Variants in ASB11 observed in about 807,000 individuals in gnomAD.
The protein encoded by ASB11 is ankyrin repeat and SOCS box containing 11, also known as ankyrin repeat and SOCS box protein 11.
ASB11 carries 17 observed loss-of-function variants against 20.1 expected under a neutral mutation model. The ratio of observed to expected loss-of-function variants is 0.85; its 90% CI spans 0.58 to 1.27. The LOEUF (loss-of-function observed/expected upper bound fraction) is 1.27, where lower values mean the gene tolerates loss of function less well. ASB11 is among the 50% of genes most tolerant of loss of function. ASB11 has a pLI of 0.00. For missense variants in ASB11, 259 were observed against 256.9 expected, an observed-to-expected ratio of 1.01 and a Z score of -0.06; for synonymous variants, 107 against 105.6, an observed-to-expected ratio of 1.01 and a Z score of -0.08.
At chrX:15,304,847 C>G (rs140814611) in intron 1 of ASB11, among the ~76,000 whole-genome samples, 1,533 of 111,612 alleles carry the variant, frequency 0.014, 27 homozygotes, top group African/African-American at 0.044. Flanking sequence ...TGTACTCTGG[C>G]CTGGGTGACA....
chrX:15,315,292 TAA>T (rs1921576268), intron 1 of ASB11, 131 bp downstream of exon 1: 3 of 530,532 alleles, frequency 5.7e-6, no homozygotes, highest in South Asian at 9.4e-5. Flanking sequence ...TTTGCTACTT[TAA>T]GTGACAATTT....
At chrX:15,306,866 T>G (rs756108991) in intron 1 of ASB11, among the ~76,000 whole-genome samples, 1 of 112,453 alleles carries the variant, frequency 8.9e-6, no homozygotes, top group South Asian at 3.7e-4. Context: ...TCAGACATGT[T>G]ACGCTCTTGC....
rs1927233259 is a variant in ASB11 at position 15,283,048 on chromosome X, G to T, written c.*457C>A. The stretch of plus-strand genomic sequence containing the variant: ...TATACAAAAAATCAAAATTATACCA[G>T]ATTTATTCAAGGAAAGAAAGAAAAA... On this transcript the variant is annotated 3_prime_UTR_variant, in exon 7 of 7. Coordinates refer to ENST00000480796, the MANE Select transcript of ASB11 (RefSeq NM_080873.3). 9.3e-6 allele frequency: 1 copy of T among 107,301 alleles called. No homozygotes were observed. The highest frequency in any genetic ancestry group is 1.0e-4 in the Admixed American group (1 of 9,978). 8.8% of individuals were successfully genotyped at this position (107,301 alleles called of 1,213,427 possible).
chrX:15,286,284 T>C (rs1381717536), intron 6 of ASB11, among the ~76,000 whole-genome samples: 2 of 111,123 alleles, frequency 1.8e-5, no homozygotes, highest in Admixed American at 1.9e-4. Context: ...ATGTAGTGGT[T>C]TCACAAAATG....
In ASB11 at chrX:15,288,078, C is replaced by G. The variant is rs1381693693; in HGVS notation, c.656-6G>C. On this transcript the variant is annotated splice_polypyrimidine_tract_variant and splice_region_variant and intron_variant, in intron 5 of 6. Coordinates refer to ENST00000480796, the MANE Select transcript of ASB11 (RefSeq NM_080873.3). Reference sequence around the variant, plus strand: ...GCCATGGTCGACACTGGCTCCTTAACAAAACAGATGGCCACAATTCAACAC... The same window carrying G: ...GCCATGGTCGACACTGGCTCCTTAAGAAAACAGATGGCCACAATTCAACAC... 2.5e-6 allele frequency: 3 copies of G among 1,199,502 alleles called. No homozygotes were observed. In the Admixed American group the frequency reaches 6.8e-5, roughly 27 times the overall value.
At chrX:15,289,799 G>A (rs1252966893) in intron 4 of ASB11, among the ~76,000 whole-genome samples, 161 bp from the exon 5 acceptor site, 2 of 111,534 alleles carry the variant, frequency 1.8e-5, no homozygotes, top group East Asian at 5.6e-4. Flanking sequence ...TGAGACCGGC[G>A]GATTCCCTGA....
chrX:15,296,270 A>G (rs771052285), intron 3 of ASB11, among the ~76,000 whole-genome samples: 1 of 110,306 alleles, frequency 9.1e-6, no homozygotes, highest in Non-Finnish European at 1.9e-5. Flanking sequence ...AAAGATGGAA[A>G]AAAAAAAAAC....
chrX:15,309,929 C>G lies in ASB11; in HGVS notation c.181+5496G>C, dbSNP rs975561205. On this transcript the variant is annotated intron_variant, in intron 1 of 6. Transcript: ENST00000480796. ...CTCGCAGTGAGCCGAGATCGCGCCACTGCACTCCAGCCTGGGCGACAGAGC... is the reference window on the plus strand; with the variant it reads ...CTCGCAGTGAGCCGAGATCGCGCCAGTGCACTCCAGCCTGGGCGACAGAGC... 4.6e-5 allele frequency among the ~76,000 whole-genome samples: 4 copies of G among 87,253 alleles called. 1 individual carries two copies. In the East Asian group the frequency reaches 1.5e-3, roughly 33 times the overall value. The allele number at this position is 87,253 out of a possible 115,157, so 75.8% of individuals were successfully genotyped here.
At chrX:15,284,251 C>CAAAAAAAAA (rs60542067) in intron 6 of ASB11, among the ~76,000 whole-genome samples, 1 of 72,328 alleles carries the variant, frequency 1.4e-5, no homozygotes, top group Non-Finnish European at 2.5e-5. Flanking sequence ...GACTCCGCCT[C>CAAAAAAAAA]AAAAAAAAAA....
rs767326460 is a variant in ASB11 at position 15,305,307 on chromosome X, C to T, written c.182-2500G>A. ...TTCTGTGATATTTCTGCCCAAAATG[C>T]ATAACCAAAATCTGATAAGGAGGAA... On this transcript the variant is annotated intron_variant, in intron 1 of 6. Coordinates refer to ENST00000480796, the MANE Select transcript of ASB11 (RefSeq NM_080873.3). 4.5e-5 allele frequency among the ~76,000 whole-genome samples: 5 copies of T among 111,826 alleles called. No homozygotes were observed. The East Asian group carries it at 1.1e-3, about 25-fold the overall frequency.
chrX:15,283,524 C>T lies in ASB11; in HGVS notation c.953G>A (p.Arg318Gln), dbSNP rs201426380. The change falls in exon 7 of 7, where the codon CGA (arginine) becomes CAA (glutamine). Residue 318 changes from arginine (R) to glutamine (Q), a missense_variant. Physicochemically the swap from Arg to Gln is conservative, Grantham distance 43. Transcript: ENST00000480796. ...HKLHLPEPLE[R>Q]FLLYQ Reference sequence around the variant, plus strand: ...TTAGGACTATTGGTATAGGAGGAATCGTTCGAGTGGCTCTGGCAGATGTAG... The same window carrying T: ...TTAGGACTATTGGTATAGGAGGAATTGTTCGAGTGGCTCTGGCAGATGTAG... The T allele has an allele frequency of 1.7e-5, 21 of 1,209,086 alleles. No homozygotes were observed. The Middle Eastern group carries it at 1.6e-3, about 93-fold the overall frequency.
At chrX:15,296,646 T>C (rs997366420) in intron 3 of ASB11, among the ~76,000 whole-genome samples, 3 of 112,222 alleles carry the variant, frequency 2.7e-5, no homozygotes, top group Admixed American at 9.5e-5. Flanking sequence ...TATTATTTAT[T>C]AAAAGCTCGC....
intron 1 of ASB11, among the ~76,000 whole-genome samples, chrX:15,305,127 A>T: frequency 8.9e-6 from 1 of 112,094 alleles, no homozygotes; most frequent in East Asian, 2.8e-4. Flanking sequence ...GGATAATTTT[A>T]TAGAACAGAA....
At chrX:15,310,238 C>T (rs1055674218) in intron 1 of ASB11, among the ~76,000 whole-genome samples, 25 of 111,245 alleles carry the variant, frequency 2.2e-4, no homozygotes, top group African/African-American at 8.2e-4. Context: ...ATAAAAGTTA[C>T]TTGGCAGCTT....
At chrX:15,297,409 G>T (rs1390440095) in intron 3 of ASB11, among the ~76,000 whole-genome samples, 165 bp downstream of exon 3, 1 of 112,066 alleles carries the variant, frequency 8.9e-6, no homozygotes, top group African/African-American at 3.2e-5. Flanking sequence ...ACACAGGGGG[G>T]TAAGTTGAAG....
intron 6 of ASB11, among the ~76,000 whole-genome samples, chrX:15,284,208 G>T (rs5980146): frequency 3.3e-4 from 34 of 101,958 alleles, no homozygotes; most frequent in African/African-American, 1.2e-3. Context: ...GCCGAGATCG[G>T]GCCACTGCAC....
chrX:15,299,418 TGAAA>T (rs1205697088), intron 2 of ASB11, among the ~76,000 whole-genome samples: 2 of 112,119 alleles, frequency 1.8e-5, no homozygotes, highest in African/African-American at 6.5e-5. Context: ...GGCAATTGGT[TGAAA>T]GAGTTATTAT....
Position 15,283,502 on chromosome X carries a change from G to C in ASB11, c.*3C>G, listed in dbSNP as rs41309559. On this transcript the variant is annotated 3_prime_UTR_variant, in exon 7 of 7. Transcript: ENST00000480796. ...CCAAGTATCTTCCCAGGAACACTTA[G>C]GACTATTGGTATAGGAGGAATCGTT... 71,513 of 1,208,839 alleles carry C rather than the reference G, an allele frequency of 0.059. 1,596 individuals are homozygous for C. Among genetic ancestry groups the C allele is most frequent in the Middle Eastern group, 0.08 (347 of 4,349 alleles).
intron 3 of ASB11, among the ~76,000 whole-genome samples, chrX:15,294,763 A>T (rs1339476290): frequency 1.8e-5 from 2 of 112,256 alleles, no homozygotes; most frequent in African/African-American, 6.5e-5. Flanking sequence ...TTATATTGCT[A>T]GGGGTTTCTA....
Sources: gnomAD v4.1 joint callset for allele counts (sites outside exome capture counted in the v4.1 genomes callset) on GRCh38, gnomAD v4.1.1 for gene constraint, MANE v1.5 for transcripts, NCBI Gene and HGNC (gene_info 2026-07-23, HGNC 2026-07-21) for gene names.